The following ZNF335 variants were observed in gnomAD, a reference collection of about 807,000 sequenced individuals.
ZNF335 encodes the protein zinc finger protein 335, also known as NRC-interacting factor 1.
Under a neutral mutation model 145.6 loss-of-function variants are expected in ZNF335, and 84 were observed. That is an observed-to-expected ratio of 0.58 (90% CI 0.48 to 0.69). The LOEUF is 0.69. Among genes scored for constraint, ZNF335 ranks in the 30% least tolerant of loss-of-function variants. The pLI is 0.00. For synonymous variants in ZNF335, 761 were observed against 717.0 expected, an observed-to-expected ratio of 1.06 and a Z score of -0.98; for missense variants, 1,865 against 1,809.7, an observed-to-expected ratio of 1.03 and a Z score of -0.55.
chr20:45,952,507 G>A lies in ZNF335; in HGVS notation c.2829C>T (p.Gly943=). 1 of 1,574,176 alleles carries A rather than the reference G, an allele frequency of 6.4e-7. No individual in the cohort carries two copies. The highest frequency in any genetic ancestry group is 8.6e-7 in the Non-Finnish European group (1 of 1,156,170). ...QLHHIELTAD[G]SISFPSPDAL... is the part of the protein sequence containing the mutation. ...CATCTGGACTTGGGAAGGAGATGGAGCCATCTGCGGTGAGCTGTAGAGAGA... is the reference window on the plus strand; with the variant it reads ...CATCTGGACTTGGGAAGGAGATGGAACCATCTGCGGTGAGCTGTAGAGAGA... The change falls in exon 20 of 28, where the codon GGC becomes GGT. Residue 943 remains glycine (G), a synonymous_variant. Transcript: ENST00000322927.
In ZNF335 at chr20:45,960,192, G is replaced by A. The variant is rs767349785; in HGVS notation, c.2020+16C>T. 6.2e-7 allele frequency: 1 copy of A among 1,613,510 alleles called. No homozygotes were observed. The highest frequency in any genetic ancestry group is 8.5e-7 in the Non-Finnish European group (1 of 1,179,872). ...CTGAGGGCTGGTGAGTGGGGCTGGG[G>A]TGTGTCCAGCCTGACCTGTGTGCTT... On this transcript the variant is annotated intron_variant, in intron 14 of 27. Transcript: ENST00000322927.
chr20:45,957,704 T>G, intron 16 of ZNF335, 24 bp from the exon 17 acceptor site: 1 of 1,613,444 alleles, frequency 6.2e-7, no homozygotes, highest in Non-Finnish European at 8.5e-7. Flanking sequence ...GACCTAAGCC[T>G]GACAAAGTGC....
chr20:45,949,617 T>G (rs747696164), intron 24 of ZNF335, 49 bp from the exon 25 acceptor site: 29 of 1,553,454 alleles, frequency 1.9e-5, no homozygotes, highest in Non-Finnish European at 1.7e-6. Context: ...GAGGCCCCAC[T>G]CGCCAGGAGC....
In ZNF335 at chr20:45,963,747, T is replaced by C. The variant is rs770286985; in HGVS notation, c.1346A>G (p.Lys449Arg). 5.0e-6 allele frequency: 8 copies of C among 1,614,020 alleles called. No homozygotes were observed. Among genetic ancestry groups the C allele is most frequent in the Admixed American group, 1.7e-5 (1 of 60,014 alleles). ...CCTCTGCTCCACATACTTGCGGTAT[T>C]TCTTGCCTAGGAAGCGCCTGGAAGG... ...GRPSRRFLGK[K>R]YRKYYYKSPK... The change falls in exon 8 of 28, where the codon AAA becomes AGA. Residue 449 changes from lysine to arginine, a missense_variant. Transcript: ENST00000322927.
intron 7 of ZNF335, 42 bp from the exon 8 acceptor site, chr20:45,964,032 C>T: frequency 6.6e-7 from 1 of 1,510,128 alleles, no homozygotes; most frequent in Non-Finnish European, 8.8e-7. Flanking sequence ...CACTGACACA[C>T]CAGGACAGAC....
intron 17 of ZNF335, among the ~76,000 whole-genome samples, chr20:45,956,165 G>C (rs1463687579): frequency 6.6e-6 from 1 of 152,172 alleles, no homozygotes; most frequent in Non-Finnish European, 1.5e-5. Context: ...TATCTGATGG[G>C]AGGGGAGAAA....
Position 45,952,191 on chromosome 20 carries a change from A to G in ZNF335, c.3145T>C (p.Cys1049Arg), listed in dbSNP as rs1426477559. Residue 1049 changes from cysteine to arginine, a missense_variant, in exon 20 of 28, where the codon TGC (cysteine) becomes CGC (arginine). By Grantham distance (180) the Cys-to-Arg change is radical. Transcript: ENST00000322927. ...RAHAGPGAFK[C>R]PDCPFSARQW... ...CGGGCACTGAAGGGGCAGTCGGGGC[A>G]CTTGAAGGCACCAGGCCCAGCGTGG... The G allele has an allele frequency of 6.2e-7, 1 of 1,611,416 alleles. No individual in the cohort carries two copies. Among genetic ancestry groups the G allele is most frequent in the African/African-American group, 1.3e-5 (1 of 75,042 alleles).
intron 14 of ZNF335, among the ~76,000 whole-genome samples, chr20:45,959,793 C>T (rs924922181): frequency 1.3e-5 from 2 of 152,244 alleles, no homozygotes; most frequent in African/African-American, 4.8e-5. Context: ...AGTGCAGCTT[C>T]TGTGGGCCAA....
In ZNF335 at chr20:45,967,594, T is replaced by C. The variant is rs765246410; in HGVS notation, c.855A>G (p.Leu285=). 7.4e-6 allele frequency: 12 copies of C among 1,613,914 alleles called. No individual in the cohort carries two copies. The Admixed American group carries it at 1.0e-4, about 13-fold the overall frequency. ...AAAAAGKKGR[L]RKWSTSTKSQ... is the part of the protein sequence containing the mutation. ...TCTTGGTGGAGGTGCTCCACTTCCG[T>C]AGACGTCCTTTTTTACCAGCTGCTG... Residue 285 remains leucine, a synonymous_variant, in exon 6 of 28, where the codon CTA becomes CTG. Coordinates refer to ENST00000322927, the MANE Select transcript of ZNF335 (RefSeq NM_022095.4).
At chr20:45,956,758 C>T (rs944242066) in intron 17 of ZNF335, among the ~76,000 whole-genome samples, 2 of 151,840 alleles carry the variant, frequency 1.3e-5, no homozygotes, top group Middle Eastern at 3.4e-3. Flanking sequence ...CTGCATACAC[C>T]AGAAATAAAT....
intron 7 of ZNF335, 108 bp from the exon 8 acceptor site, chr20:45,964,098 C>T: frequency 3.0e-6 from 4 of 1,348,840 alleles, no homozygotes; most frequent in Non-Finnish European, 4.0e-6. Context: ...TCATCACAGA[C>T]CACTGATGGG....
chr20:45,969,873 G>GA (rs1266218784), intron 2 of ZNF335, 182 bp from the exon 3 acceptor site: 1 of 715,892 alleles, frequency 1.4e-6, no homozygotes, highest in Non-Finnish European at 2.1e-6. Flanking sequence ...AGTCCCCCAG[G>GA]AAAAAGTCAC....
chr20:45,957,669 A>T lies in ZNF335; in HGVS notation c.2359T>A (p.Ser787Thr), dbSNP rs146982128. 5.5e-5 allele frequency: 88 copies of T among 1,613,680 alleles called. No homozygotes were observed. In the African/African-American group the frequency reaches 1.1e-3, roughly 20 times the overall value. ...GCTGTCTGCGTGGCCATCGCTGTCG[A>T]CTCCTCAGCTCCTGGGTGGGGTGGG... Reference protein sequence around the residue: ...TIIYQQGAEESTAMATQTALD... With the variant: ...TIIYQQGAEETTAMATQTALD... The change falls in exon 17 of 28, where the codon TCG becomes ACG. Residue 787 changes from serine to threonine, a missense_variant. Physicochemically the swap from Ser to Thr is moderately conservative, Grantham distance 58. Coordinates refer to ENST00000322927, the MANE Select transcript of ZNF335 (RefSeq NM_022095.4).
Position 45,963,866 on chromosome 20 carries a change from G to T in ZNF335, c.1227C>A (p.Thr409=). ...ACTGGCTCACACCAGCTTCCACAGG[G>T]GTCCTGCTCACCTTGCCCATGGCCA... ...HLVAMGKVSR[T]PVEAGVSQSD... The change falls in exon 8 of 28, where the codon ACC becomes ACA. Residue 409 remains threonine, a synonymous_variant. Coordinates refer to ENST00000322927, the MANE Select transcript of ZNF335 (RefSeq NM_022095.4). 1 of 1,610,196 alleles carries T rather than the reference G, an allele frequency of 6.2e-7. No individual in the cohort carries two copies.
chr20:45,959,919 T>C (rs2083802199), intron 14 of ZNF335, among the ~76,000 whole-genome samples: 1 of 152,196 alleles, frequency 6.6e-6, no homozygotes, highest in Non-Finnish European at 1.5e-5. Context: ...CTTACTTTCA[T>C]CATAGCCATA....
In ZNF335 at chr20:45,965,755, T is replaced by C; in HGVS notation, c.975A>G (p.Pro325=). 5.0e-6 allele frequency: 8 copies of C among 1,604,976 alleles called. No individual in the cohort carries two copies. The highest frequency in any genetic ancestry group is 6.8e-6 in the Non-Finnish European group (8 of 1,175,848). Residue 325 remains proline, a synonymous_variant, in exon 7 of 28, where the codon CCA becomes CCG. Transcript: ENST00000322927. ...GCCGGCCTCGGGGCTCATCCTCAGCTGGATTATAGTCGCTATCCTCTGTGG... is the reference window on the plus strand; with the variant it reads ...GCCGGCCTCGGGGCTCATCCTCAGCCGGATTATAGTCGCTATCCTCTGTGG... ...DDLEEDSDYN[P]AEDEPRGRQL...
rs973651645 is a variant in ZNF335 at position 45,960,739 on chromosome 20, A to G, written c.1666-7T>C. 5.0e-6 allele frequency: 8 copies of G among 1,613,398 alleles called. No homozygotes were observed. Among genetic ancestry groups the G allele is most frequent in the Non-Finnish European group, 5.1e-6 (6 of 1,179,566 alleles). ...AAGAGCTCAGCTTTGGAGTCTAGGA[A>G]GGCATAAGAAGGGGCCAGATGGAGA... is the stretch of plus-strand genomic sequence containing the variant. On this transcript the variant is annotated splice_region_variant and splice_polypyrimidine_tract_variant and intron_variant, in intron 11 of 27. Transcript: ENST00000322927.
chr20:45,969,366 G>C (rs1179189439), intron 3 of ZNF335, 85 bp downstream of exon 3: 7 of 1,394,042 alleles, frequency 5.0e-6, no homozygotes. Flanking sequence ...AAAGTAATCT[G>C]CCTGAGTTCA....
chr20:45,960,938 CCT>C, intron 10 of ZNF335, 56 bp from the exon 11 acceptor site: 1 of 1,607,204 alleles, frequency 6.2e-7, no homozygotes, highest in Non-Finnish European at 8.5e-7. Context: ...CACTCTAGAC[CCT>C]CTCACACTGA....
Sources: allele counts gnomAD v4.1 joint callset (sites outside exome capture counted in the v4.1 genomes callset), GRCh38; gene constraint gnomAD v4.1.1; transcripts MANE v1.5; gene names NCBI Gene and HGNC (gene_info 2026-07-23, HGNC 2026-07-21).